LSP1: variants seen among roughly 807,000 people sequenced by gnomAD.
LSP1 encodes lymphocyte-specific protein 1.
LSP1 carries 32 observed loss-of-function variants against 49.3 expected under a neutral mutation model. The observed-to-expected ratio is 0.65, with a 90% CI of 0.49 to 0.87. The LOEUF (loss-of-function observed/expected upper bound fraction) is 0.87. Ranked by LOEUF, LSP1 falls within the 40% of genes least tolerant of loss-of-function variation. The probability of loss-of-function intolerance (pLI) is 0.00; values close to 1 mark genes in which losing one functional copy is unlikely to be tolerated. For synonymous variants in LSP1, 179 were observed against 178.8 expected (o/e 1.00, Z -0.01); for missense variants, 428 against 442.6 (o/e 0.97, Z 0.30).
intron 1 of LSP1, among the ~76,000 whole-genome samples, chr11:1,854,527 T>C (rs1253327848): frequency 6.6e-6 from 1 of 152,174 alleles, no homozygotes; most frequent in Non-Finnish European, 1.5e-5. Context: ...GGGGTCTGCA[T>C]CTCTGACTTC....
intron 1 of LSP1, chr11:1,868,974 C>T (rs1030779358): frequency 7.7e-5 from 76 of 986,100 alleles, no homozygotes; most frequent in South Asian, 4.7e-5. Flanking sequence ...CGGCTCAGAG[C>T]GGCTTGGCAG....
chr11:1,863,356 G>C (rs1272272338), intron 1 of LSP1: 2 of 152,336 alleles, frequency 1.3e-5, no homozygotes, highest in African/African-American at 4.8e-5. Flanking sequence ...TGTTCTCCTT[G>C]AATGTAGGGA....
intron 1 of LSP1, chr11:1,871,127 G>A (rs1032634759): frequency 6.1e-5 from 60 of 985,438 alleles, no homozygotes; most frequent in East Asian, 1.1e-4. Context: ...CGCCTCGCTC[G>A]TGGCACGGGC....
chr11:1,878,037 G>A (rs1429585293), intron 1 of LSP1, among the ~76,000 whole-genome samples: 2 of 152,098 alleles, frequency 1.3e-5, no homozygotes, highest in East Asian at 3.9e-4. Context: ...TGGAGCTGGA[G>A]TGAGGGCCCT....
intron 1 of LSP1, among the ~76,000 whole-genome samples, chr11:1,856,561 G>A (rs889487173): frequency 2.0e-5 from 3 of 152,248 alleles, no homozygotes; most frequent in Admixed American, 2.0e-4. Context: ...GCTTCTCTGT[G>A]TGCTGAGCTG....
At chr11:1,866,579 C>A (rs1157867049) in intron 1 of LSP1, 1 of 1,549,582 alleles carries the variant, frequency 6.5e-7, no homozygotes, top group Non-Finnish European at 8.7e-7. Context: ...CACCTCATCC[C>A]AGCCTCCCCC....
At chr11:1,853,804 T>C (rs1156259724) in intron 1 of LSP1, among the ~76,000 whole-genome samples, 1 of 151,662 alleles carries the variant, frequency 6.6e-6, no homozygotes, top group African/African-American at 2.4e-5. Flanking sequence ...TTGGTTGGAG[T>C]GGGGACATGA....
chr11:1,881,206 A>C (rs138673300), intron 2 of LSP1: 8 of 509,254 alleles, frequency 1.6e-5, no homozygotes, highest in Admixed American at 3.6e-5. Flanking sequence ...TCCTGGACTG[A>C]TGGAGGAAGC....
rs902786464 is a variant in LSP1, at chr11:1,864,335, A to T, written c.53+11138A>T. Reference sequence around the variant, plus strand: ...CAGGGCCTGGCAGAGGGCATGAGGCACTCCGAGGTGGGAGGCGGCGATGGG... The same window carrying T: ...CAGGGCCTGGCAGAGGGCATGAGGCTCTCCGAGGTGGGAGGCGGCGATGGG... On this transcript the variant is annotated intron_variant, in intron 1 of 10. Coordinates refer to ENST00000311604, the MANE Select transcript of LSP1 (RefSeq NM_002339.3). 2.1e-5 allele frequency: 17 copies of T among 799,958 alleles called. No homozygotes were observed. The African/African-American group carries it at 3.0e-4, about 14-fold the overall frequency. 49.6% of individuals were successfully genotyped at this position (799,958 alleles called of 1,614,324 possible). A position where few individuals can be genotyped will look rare whatever the true frequency, so the allele number is the denominator to read the frequency against.
Position 1,884,006 on chromosome 11 carries a change from C to G in LSP1, c.573C>G (p.Pro191=). The G allele has an allele frequency of 6.2e-7, 1 of 1,612,410 alleles. No individual in the cohort carries two copies. Among genetic ancestry groups the G allele is most frequent in the Non-Finnish European group, 8.5e-7 (1 of 1,179,432 alleles). Residue 191 remains proline, a synonymous_variant, in exon 5 of 11, where the codon CCC becomes CCG. Coordinates refer to ENST00000311604, the MANE Select transcript of LSP1 (RefSeq NM_002339.3). The surrounding 1 kb of genome is among the most constrained non-coding windows in gnomAD (Gnocchi z 4.1). ...LEGTIEQSSP[P]LSPTTKLIDR... ...GGACCATCGAACAGAGCTCGCCTCC[C>G]CTGAGCCCTACCACCAAAGTAAGTT...
At chr11:1,864,206 C>T in intron 1 of LSP1, 2 of 986,832 alleles carry the variant, frequency 2.0e-6, no homozygotes, top group South Asian at 4.6e-5. Flanking sequence ...CAAAGAGGAA[C>T]CAGCGAAGGG....
In LSP1 at chr11:1,884,657, C is replaced by A. The variant is rs781356689; in HGVS notation, c.717+76C>A. ...ATTCCTTCATCCAACCAACGCCCTT[C>A]CATCCAATCAGTGCCGCCTTATTCA... On this transcript the variant is annotated intron_variant, in intron 7 of 10. Transcript: ENST00000311604. The surrounding 1 kb of genome is among the most constrained non-coding windows in gnomAD (Gnocchi z 4.1). 5.4e-6 allele frequency: 7 copies of A among 1,289,454 alleles called. No homozygotes were observed. The highest frequency in any genetic ancestry group is 7.8e-6 in the Non-Finnish European group (7 of 896,358). 79.9% of individuals were successfully genotyped at this position (1,289,454 alleles called of 1,614,324 possible).
chr11:1,863,776 C>A (rs1847704030), intron 1 of LSP1, among the ~76,000 whole-genome samples: 1 of 152,204 alleles, frequency 6.6e-6, no homozygotes, highest in South Asian at 2.1e-4. Flanking sequence ...GGGGGCCTGG[C>A]TGGCGAGGGC....
chr11:1,855,707 C>T (rs1847471663), intron 1 of LSP1, among the ~76,000 whole-genome samples: 1 of 152,218 alleles, frequency 6.6e-6, no homozygotes, highest in Admixed American at 6.5e-5. Flanking sequence ...GCACTCCTGT[C>T]TCGCCCCGCT....
chr11:1,853,967 T>C (rs190912044), intron 1 of LSP1, among the ~76,000 whole-genome samples: 457 of 152,228 alleles, frequency 3.0e-3, no homozygotes, highest in African/African-American at 0.01. Context: ...GCTTAGTAAC[T>C]GGGCTCCCTG....
chr11:1,876,022 G>T lies in LSP1; in HGVS notation c.54-4065G>T, dbSNP rs896867880. On this transcript the variant is annotated intron_variant, in intron 1 of 10. Coordinates refer to ENST00000311604, the MANE Select transcript of LSP1 (RefSeq NM_002339.3). ...CTGCTGATGGGGGCTCATGTGAGCA[G>T]TGCCCCAGCTGTGGGTGTGGGTGCT... Among the ~76,000 whole-genome samples the T allele has an allele frequency of 1.1e-4, 17 of 152,256 alleles. 1 individual carries two copies. The highest frequency in any genetic ancestry group is 1.1e-3 in the Admixed American group (17 of 15,294).
intron 1 of LSP1, among the ~76,000 whole-genome samples, chr11:1,874,362 G>A (rs923146978): frequency 1.3e-5 from 2 of 151,626 alleles, no homozygotes; most frequent in South Asian, 4.2e-4. Context: ...GGGCAGTGTC[G>A]GGGTGAGGAT....
Position 1,872,431 on chromosome 11 carries a change from T to C in LSP1, c.54-7656T>C, listed in dbSNP as rs867957306. 8.9e-3 allele frequency among the ~76,000 whole-genome samples: 468 copies of C among 52,556 alleles called. 1 individual carries two copies. The highest frequency in any genetic ancestry group is 0.026 in the South Asian group (41 of 1,580). 34.5% of individuals were successfully genotyped at this position (52,556 alleles called of 152,430 possible). A position where few individuals can be genotyped will look rare whatever the true frequency, so the allele number is the denominator to read the frequency against. ...GGCGGGCAGGCCTGGGCTGCAGTCATCCTGGTGCGTGCTGGTAGAGTTGGG... is the reference window on the plus strand; with the variant it reads ...GGCGGGCAGGCCTGGGCTGCAGTCACCCTGGTGCGTGCTGGTAGAGTTGGG... On this transcript the variant is annotated intron_variant, in intron 1 of 10. Coordinates refer to ENST00000311604, the MANE Select transcript of LSP1 (RefSeq NM_002339.3).
At chr11:1,868,816 T>C in intron 1 of LSP1, 1 of 985,716 alleles carries the variant, frequency 1.0e-6, no homozygotes, top group Non-Finnish European at 1.2e-6. Flanking sequence ...CAGGCTTCAG[T>C]CCCAGCCGGC....
Sources: gnomAD v4.1 joint callset for allele counts (sites outside exome capture counted in the v4.1 genomes callset) on GRCh38, gnomAD v4.1.1 for gene constraint, Gnocchi (gnomAD v3.1) non-coding constraint, MANE v1.5 for transcripts, NCBI Gene and HGNC (gene_info 2026-07-23, HGNC 2026-07-21) for gene names.